Variants in AKAP8 observed in about 807,000 individuals in gnomAD.
AKAP8 encodes the protein A-kinase anchoring protein 8.
Under a neutral mutation model 67.5 loss-of-function variants are expected in AKAP8, and 24 were observed. That is an observed-to-expected ratio of 0.36 (90% CI 0.26 to 0.50). AKAP8 has a LOEUF of 0.50. AKAP8 is among the 20% of genes least tolerant of loss of function. The pLI is 0.97. For synonymous variants in AKAP8, 400 were observed against 371.1 expected, an observed-to-expected ratio of 1.08 and a Z score of -0.90; for missense variants, 971 against 955.9, an observed-to-expected ratio of 1.02 and a Z score of -0.21.
intron 1 of AKAP8, among the ~76,000 whole-genome samples, chr19:15,377,606 C>T (rs1227661320): frequency 1.3e-5 from 2 of 152,148 alleles, no homozygotes; most frequent in African/African-American, 2.4e-5. Context: ...GTAGCTGGGA[C>T]TACAGGCGCC....
chr19:15,356,322 G>A (rs867350187), intron 13 of AKAP8, among the ~76,000 whole-genome samples: 3 of 151,958 alleles, frequency 2.0e-5, no homozygotes, highest in East Asian at 1.9e-4. Flanking sequence ...GCAGAATGGC[G>A]TGAACCTGGG....
chr19:15,370,248 C>T, intron 7 of AKAP8, 69 bp from the exon 8 acceptor site: 2 of 1,576,170 alleles, frequency 1.3e-6, no homozygotes. Flanking sequence ...CCAGCCCAGT[C>T]CCTGGCCACT....
chr19:15,373,429 A>G (rs1423610123), intron 4 of AKAP8, 89 bp from the exon 5 acceptor site: 2 of 1,466,532 alleles, frequency 1.4e-6, no homozygotes, highest in African/African-American at 2.8e-5. Context: ...CCCTACATTC[A>G]AAACAGCAAA....
chr19:15,373,201 T>C lies in AKAP8; in HGVS notation c.511A>G (p.Ser171Gly), dbSNP rs768155611. Residue 171 changes from serine (S) to glycine (G), a missense_variant, in exon 5 of 14, where the codon AGT becomes GGT. Around this residue, in one of 3 missense-constraint regions of AKAP8, gnomAD observed 763 missense variants for 745.4 expected, o/e 1.02. Transcript: ENST00000269701. ...DRNGSFGGQY[S>G]ECRDPARERG... The stretch of plus-strand genomic sequence containing the variant: ...TCCCGGGCTGGGTCTCGGCATTCAC[T>C]GTACTGCCCCCCAAAGCTGCCATTG... 7 of 1,613,696 alleles carry C rather than the reference T, an allele frequency of 4.3e-6. No individual in the cohort carries two copies. Among genetic ancestry groups the C allele is most frequent in the Admixed American group, 1.7e-5 (1 of 60,000 alleles).
At chr19:15,362,815 G>A (rs1176927046) in intron 9 of AKAP8, among the ~76,000 whole-genome samples, 6 of 151,832 alleles carry the variant, frequency 4.0e-5, no homozygotes, top group African/African-American at 7.2e-5. Context: ...CCGCCTGGCC[G>A]CCCATCGTCT....
Position 15,358,999 on chromosome 19 carries a change from G to T in AKAP8, c.1591C>A (p.His531Asn), listed in dbSNP as rs764590480. ...TATTTTTCCAGCATCTTCACTATATGTCTGTTGTTCAAAACACTCTTAGCC... is the reference window on the plus strand; with the variant it reads ...TATTTTTCCAGCATCTTCACTATATTTCTGTTGTTCAAAACACTCTTAGCC... ...HVAKSVLNNR[H>N]IVKMLEKYLK... The change falls in exon 13 of 14, where the codon CAT becomes AAT. Residue 531 changes from histidine (H) to asparagine (N), a missense_variant. His to Asn is a moderately conservative substitution (Grantham distance 68). Coordinates refer to ENST00000269701, the MANE Select transcript of AKAP8 (RefSeq NM_005858.4). 2.5e-6 allele frequency: 4 copies of T among 1,614,058 alleles called. No homozygotes were observed. Among genetic ancestry groups the T allele is most frequent in the Non-Finnish European group, 2.5e-6 (3 of 1,180,054 alleles).
intron 2 of AKAP8, among the ~76,000 whole-genome samples, chr19:15,375,490 T>C (rs1156739291): frequency 2.2e-4 from 33 of 152,130 alleles, no homozygotes; most frequent in Admixed American, 2.2e-3. Flanking sequence ...CAATGACAAA[T>C]TTTGACATGA....
chr19:15,374,552 G>A, intron 3 of AKAP8, 51 bp downstream of exon 3: 1 of 1,600,386 alleles, frequency 6.2e-7, no homozygotes, highest in Non-Finnish European at 8.5e-7. Context: ...CTGGCCTTCA[G>A]ATCAGAGGCC....
chr19:15,354,052 T>C lies in AKAP8; in HGVS notation c.*863A>G, dbSNP rs1394902239. ...TTTTAAGAGATGGGGTCTTGCTATG[T>C]TGTCCAGGTTGGTCTTGAACTCCTG... is the stretch of plus-strand genomic sequence containing the variant. On this transcript the variant is annotated 3_prime_UTR_variant, in exon 14 of 14. Transcript: ENST00000269701. 2 of 152,008 alleles carry C rather than the reference T, an allele frequency of 1.3e-5. No individual in the cohort carries two copies. Among genetic ancestry groups the C allele is most frequent in the Admixed American group, 6.6e-5 (1 of 15,210 alleles). 9.4% of individuals were successfully genotyped at this position (152,008 alleles called of 1,614,324 possible).
At chr19:15,376,772 C>T (rs1256311843) in intron 2 of AKAP8, among the ~76,000 whole-genome samples, 1 of 152,214 alleles carries the variant, frequency 6.6e-6, no homozygotes, top group East Asian at 1.9e-4. Flanking sequence ...GTCCCATCCA[C>T]TCTTTCACAC....
chr19:15,363,353 T>TG (rs745575610), intron 9 of AKAP8, among the ~76,000 whole-genome samples: 77,803 of 104,610 alleles, frequency 0.74, 28,816 homozygotes, highest in East Asian at 0.94. Flanking sequence ...GGGAGGGAGG[T>TG]GGGGGGGGGT....
chr19:15,368,120 CAG>C (rs1967097365), intron 9 of AKAP8, 113 bp downstream of exon 9: 1 of 1,405,348 alleles, frequency 7.1e-7, no homozygotes, highest in Admixed American at 1.9e-5. Context: ...CTGGTTTGGC[CAG>C]AGGAGTCAGG....
intron 9 of AKAP8, among the ~76,000 whole-genome samples, chr19:15,366,148 C>CAAAAAAAAAAAAAAAA (rs1419505135): frequency 5.3e-5 from 1 of 18,748 alleles, no homozygotes; most frequent in South Asian, 1.3e-3. Context: ...GAAAAAAAAG[C>CAAAAAAAAAAAAAAAA]AAAAAGAAAA....
Position 15,355,063 on chromosome 19 carries a change from C to A in AKAP8, c.1931G>T (p.Ser644Ile). Residue 644 changes from serine to isoleucine, a missense_variant, in exon 14 of 14, where the codon AGT becomes ATT. Around this residue, in one of 3 missense-constraint regions of AKAP8, gnomAD observed 204 missense variants for 193.0 expected, o/e 1.06. Coordinates refer to ENST00000269701, the MANE Select transcript of AKAP8 (RefSeq NM_005858.4). ...AHEKGVPKARSEAAEAGNGAE... is the reference protein window; with the variant it reads ...AHEKGVPKARIEAAEAGNGAE... ...GCCATTTCCAGCCTCTGCAGCCTCA[C>A]TTCTGGCCTTGGGGACGCCCTTCTC... 6.2e-7 allele frequency: 1 copy of A among 1,614,152 alleles called. No individual in the cohort carries two copies. The highest frequency in any genetic ancestry group is 1.1e-5 in the South Asian group (1 of 91,090).
At chr19:15,357,356 G>A (rs1372268273) in intron 13 of AKAP8, among the ~76,000 whole-genome samples, 1 of 132,706 alleles carries the variant, frequency 7.5e-6, no homozygotes, top group East Asian at 2.4e-4. Flanking sequence ...ATGAACCCAG[G>A]ACACAGAGCT....
chr19:15,376,260 C>T (rs906556404), intron 2 of AKAP8, among the ~76,000 whole-genome samples: 2 of 152,112 alleles, frequency 1.3e-5, no homozygotes, highest in African/African-American at 2.4e-5. Flanking sequence ...TGGTGGCTCA[C>T]GCCTGTAATC....
At position 15,354,445 on chromosome 19, in the gene AKAP8, T is replaced by C. The variant is rs2048263653; in HGVS notation, c.*470A>G. The C allele has an allele frequency of 1.2e-5, 2 of 164,366 alleles. No individual in the cohort carries two copies. Among genetic ancestry groups the C allele is most frequent in the South Asian group, 1.5e-4 (1 of 6,598 alleles). The allele number at this position is 164,366 out of a possible 1,614,324, so 10.2% of individuals were successfully genotyped here. A position where few individuals can be genotyped will look rare whatever the true frequency, so the allele number is the denominator to read the frequency against. ...AGTCCTGTGAAAGTCACACACCATA[T>C]GGTGCACTACAAAGGTATAGGTTAA... On this transcript the variant is annotated 3_prime_UTR_variant, in exon 14 of 14. Coordinates refer to ENST00000269701, the MANE Select transcript of AKAP8 (RefSeq NM_005858.4).
intron 6 of AKAP8, 93 bp downstream of exon 6, chr19:15,372,125 G>T: frequency 1.2e-6 from 2 of 1,607,750 alleles, no homozygotes; most frequent in Middle Eastern, 2.1e-4. Context: ...TGCCACCTGC[G>T]AGTGTCCACG....
rs2048268060 is a variant in AKAP8, at chr19:15,355,028, T to C, written c.1966A>G (p.Met656Val). 1 of 1,614,146 alleles carries C rather than the reference T, an allele frequency of 6.2e-7. No individual in the cohort carries two copies. The highest frequency in any genetic ancestry group is 8.5e-7 in the Non-Finnish European group (1 of 1,180,036). The change falls in exon 14 of 14, where the codon ATG becomes GTG. Residue 656 changes from methionine to valine, a missense_variant. Around this residue, in one of 3 missense-constraint regions of AKAP8, gnomAD observed 204 missense variants for 193.0 expected, o/e 1.06. Coordinates refer to ENST00000269701, the MANE Select transcript of AKAP8 (RefSeq NM_005858.4). ...AAEAGNGAET[M>V]AAEAESAQTR... ...TGGGCACTTTCTGCCTCTGCTGCCA[T>C]TGTCTCGGCGCCATTTCCAGCCTCT...
Sources: allele counts gnomAD v4.1 joint callset (sites outside exome capture counted in the v4.1 genomes callset), GRCh38; gene constraint gnomAD v4.1.1; regional missense constraint gnomAD v4.1.1; transcripts MANE v1.5; gene names NCBI Gene and HGNC (gene_info 2026-07-23, HGNC 2026-07-21).